The following ATRIP variants were observed in gnomAD, a reference collection of about 807,000 sequenced individuals.
ATRIP encodes the protein ATR-interacting protein.
A neutral mutation model predicts 78.1 loss-of-function variants in ATRIP; 44 were observed. The ratio of observed to expected loss-of-function variants is 0.56; its 90% CI spans 0.44 to 0.72. ATRIP has a LOEUF of 0.72. Among genes scored for constraint, ATRIP ranks in the 30% least tolerant of loss-of-function variants. ATRIP has a pLI of 0.00. For synonymous variants in ATRIP, 388 were observed against 408.9 expected (o/e 0.95, Z 0.62); for missense variants, 927 against 980.2 (o/e 0.95, Z 0.72).
At position 48,467,576 on chromosome 3, in the gene ATRIP, A is replaced by G. The variant is rs754933190; in HGVS notation, c.*2022A>G. The G allele has an allele frequency of 5.6e-6, 9 of 1,612,962 alleles. No homozygotes were observed. The highest frequency in any genetic ancestry group is 7.6e-6 in the Non-Finnish European group (9 of 1,179,346). On this transcript the variant is annotated 3_prime_UTR_variant, in exon 13 of 13. Transcript: ENST00000320211. ...TGGCAGTAGCCACACTGTATGGACT[A>G]TCCCTGGCCACACCTGGGGAGTAGG...
At chr3:48,453,736 G>A (rs1345036653) in intron 3 of ATRIP, among the ~76,000 whole-genome samples, 1 of 152,100 alleles carries the variant, frequency 6.6e-6, no homozygotes, top group African/African-American at 2.4e-5. Flanking sequence ...GCACCAGTGC[G>A]TTCGTTAATA....
Position 48,457,425 on chromosome 3 carries a change from A to G in ATRIP, c.829+9A>G, listed in dbSNP as rs770642762. 6.5e-7 allele frequency: 1 copy of G among 1,530,080 alleles called. No homozygotes were observed. Among genetic ancestry groups the G allele is most frequent in the Non-Finnish European group, 8.8e-7 (1 of 1,141,662 alleles). The allele number at this position is 1,530,080 out of a possible 1,614,324, so 94.8% of individuals were successfully genotyped here. Reference sequence around the variant, plus strand: ...TCTGGTGGGCAGAGAGGGTAAGTCCATTAGTCATCTATTGATGTATAACAA... The same window carrying G: ...TCTGGTGGGCAGAGAGGGTAAGTCCGTTAGTCATCTATTGATGTATAACAA... On this transcript the variant is annotated intron_variant, in intron 5 of 12. Coordinates refer to ENST00000320211, the MANE Select transcript of ATRIP (RefSeq NM_130384.3).
At position 48,466,597 on chromosome 3, in the gene ATRIP, G is replaced by C; in HGVS notation, c.*1043G>C. On this transcript the variant is annotated 3_prime_UTR_variant, in exon 13 of 13. Transcript: ENST00000320211. Reference sequence around the variant, plus strand: ...CCTCCCCTTCGGATCTTAACACTGGGCACTCACACACCCACCCCATGCTCC... The same window carrying C: ...CCTCCCCTTCGGATCTTAACACTGGCCACTCACACACCCACCCCATGCTCC... 6.2e-7 allele frequency: 1 copy of C among 1,613,946 alleles called. No individual in the cohort carries two copies. Among genetic ancestry groups the C allele is most frequent in the African/African-American group, 1.3e-5 (1 of 74,996 alleles).
At chr3:48,464,244 A>C in intron 10 of ATRIP, 112 bp downstream of exon 10, 1 of 1,002,822 alleles carries the variant, frequency 1.0e-6, no homozygotes, top group Non-Finnish European at 1.5e-6. Context: ...TTTTAGTAAC[A>C]AGAGTTGATA....
Position 48,460,269 on chromosome 3 carries a change from A to G in ATRIP, c.1215A>G (p.Arg405=), listed in dbSNP as rs189764290. Residue 405 remains arginine, a synonymous_variant, in exon 8 of 13, where the codon AGA becomes AGG. Transcript: ENST00000320211. ...ATGGAGACCCAGCAGAGGGAGGCAG[A>G]AGGGCCTTCCCACTCTGCCAGCTTC... ...SRDGDPAEGG[R]RAFPLCQLPG... The G allele has an allele frequency of 1.7e-5, 27 of 1,614,054 alleles. No individual in the cohort carries two copies. In the East Asian group the frequency reaches 5.6e-4, roughly 33 times the overall value.
In ATRIP at chr3:48,451,629, T is replaced by C. The variant is rs564526533; in HGVS notation, c.382-100T>C. 37 of 1,030,606 alleles carry C rather than the reference T, an allele frequency of 3.6e-5. No homozygotes were observed. The African/African-American group carries it at 6.0e-4, about 17-fold the overall frequency. The allele number at this position is 1,030,606 out of a possible 1,614,324, so 63.8% of individuals were successfully genotyped here. A position where few individuals can be genotyped will look rare whatever the true frequency, so the allele number is the denominator to read the frequency against. ...TATTTTGAGTACTCATTTGTCTGTT[T>C]TTCCTGTGCTTTCTCCATCTCCCCA... On this transcript the variant is annotated intron_variant, in intron 2 of 12. Coordinates refer to ENST00000320211, the MANE Select transcript of ATRIP (RefSeq NM_130384.3).
chr3:48,458,170 C>T (rs1378408692), intron 5 of ATRIP, among the ~76,000 whole-genome samples: 1 of 151,530 alleles, frequency 6.6e-6, no homozygotes, highest in South Asian at 2.1e-4. Context: ...TTCCGCCTCC[C>T]GGGTTCAAGT....
At position 48,465,558 on chromosome 3, in the gene ATRIP, CCT is replaced by C; in HGVS notation, c.*5_*6del. 1 of 1,611,564 alleles carries C rather than the reference CCT, an allele frequency of 6.2e-7. No homozygotes were observed. Among genetic ancestry groups the C allele is most frequent in the African/African-American group, 1.3e-5 (1 of 74,978 alleles). On this transcript the variant is annotated 3_prime_UTR_variant, in exon 13 of 13. Coordinates refer to ENST00000320211, the MANE Select transcript of ATRIP (RefSeq NM_130384.3). Reference sequence around the variant, plus strand: ...CCCCGAGGTGGAGTGTGGCTGAGGCCCTGAGTGTCCAGCCACATGGTGGCACC... The same window carrying C: ...CCCCGAGGTGGAGTGTGGCTGAGGCCGAGTGTCCAGCCACATGGTGGCACC...
In ATRIP at chr3:48,465,811, G is replaced by A. The variant is rs895122961; in HGVS notation, c.*257G>A. ...TGCCTTGAGGAAGGAGCCCTGCCCT[G>A]CCTGTGGAATTGTCCTGAGTCATTG... On this transcript the variant is annotated 3_prime_UTR_variant, in exon 13 of 13. Transcript: ENST00000320211. 4.5e-6 allele frequency: 2 copies of A among 449,086 alleles called. No homozygotes were observed. Among genetic ancestry groups the A allele is most frequent in the Non-Finnish European group, 8.3e-6 (2 of 241,786 alleles). 27.8% of individuals were successfully genotyped at this position (449,086 alleles called of 1,614,324 possible). A position where few individuals can be genotyped will look rare whatever the true frequency, so the allele number is the denominator to read the frequency against.
rs1231721614 is a variant in ATRIP, at chr3:48,460,594, G to T, written c.1540G>T (p.Val514Phe). ...SAAGEGNRSL[V>F]HRLSDGDMTS... is the part of the protein sequence containing the mutation. ...TGCTGGGGAAGGAAACAGGAGCCTG[G>T]TTCACAGGCTTAGTGATGGAGATAT... The change falls in exon 8 of 13, where the codon GTT (valine) becomes TTT (phenylalanine). Residue 514 changes from valine (V) to phenylalanine (F), a missense_variant. Transcript: ENST00000320211. The T allele has an allele frequency of 1.2e-6, 2 of 1,614,180 alleles. No homozygotes were observed. The highest frequency in any genetic ancestry group is 1.7e-6 in the Non-Finnish European group (2 of 1,180,022).
Position 48,464,022 on chromosome 3 carries a change from G to A in ATRIP, c.1883-19G>A. ...ATGAGAAAGGGCACCCTGAGTGAGAGGTGCGCTGTCCTTTTCAGAAGGCTG... is the reference window on the plus strand; with the variant it reads ...ATGAGAAAGGGCACCCTGAGTGAGAAGTGCGCTGTCCTTTTCAGAAGGCTG... On this transcript the variant is annotated intron_variant, in intron 9 of 12. Coordinates refer to ENST00000320211, the MANE Select transcript of ATRIP (RefSeq NM_130384.3). 1 of 1,611,466 alleles carries A rather than the reference G, an allele frequency of 6.2e-7. No homozygotes were observed. Among genetic ancestry groups the A allele is most frequent in the Non-Finnish European group, 8.5e-7 (1 of 1,178,516 alleles).
At position 48,465,849 on chromosome 3, in the gene ATRIP, G is replaced by A; in HGVS notation, c.*295G>A. The A allele has an allele frequency of 8.3e-6, 3 of 361,510 alleles. No individual in the cohort carries two copies. The highest frequency in any genetic ancestry group is 8.0e-5 in the South Asian group (3 of 37,524). The allele number at this position is 361,510 out of a possible 1,614,324, so 22.4% of individuals were successfully genotyped here. A position where few individuals can be genotyped will look rare whatever the true frequency, so the allele number is the denominator to read the frequency against. ...TCCTGAGTCATTGCTTTGGGCTGGG[G>A]CCATGGGAAGAAACCATTGTGTGGC... On this transcript the variant is annotated 3_prime_UTR_variant, in exon 13 of 13. Coordinates refer to ENST00000320211, the MANE Select transcript of ATRIP (RefSeq NM_130384.3).
chr3:48,467,253 G>GATGT lies in ATRIP; in HGVS notation c.*1700_*1703dup. 6.2e-7 allele frequency: 1 copy of GATGT among 1,614,150 alleles called. No homozygotes were observed. The highest frequency in any genetic ancestry group is 8.5e-7 in the Non-Finnish European group (1 of 1,180,024). ...TCCAGACTCGCACACGGCTGAGGGTGATGTCCTGGCCCTGCTCAGCATCTG... is the reference window on the plus strand; with the variant it reads ...TCCAGACTCGCACACGGCTGAGGGTGATGTATGTCCTGGCCCTGCTCAGCATCTG... On this transcript the variant is annotated 3_prime_UTR_variant, in exon 13 of 13. Transcript: ENST00000320211.
In ATRIP at chr3:48,467,520, GCC is replaced by G; in HGVS notation, c.*1969_*1970del. Reference sequence around the variant, plus strand: ...AGCCCTATCCAGGGAGGGGCTGCTGGCCCCACTGGGTCTGCTGGCCATCCTGA... The same window carrying G: ...AGCCCTATCCAGGGAGGGGCTGCTGGCCACTGGGTCTGCTGGCCATCCTGA... On this transcript the variant is annotated 3_prime_UTR_variant, in exon 13 of 13. Coordinates refer to ENST00000320211, the MANE Select transcript of ATRIP (RefSeq NM_130384.3). 1 of 1,613,682 alleles carries G rather than the reference GCC, an allele frequency of 6.2e-7. No individual in the cohort carries two copies.
At position 48,465,531 on chromosome 3, in the gene ATRIP, G is replaced by A; in HGVS notation, c.2353G>A (p.Asp785Asn). Residue 785 changes from aspartate to asparagine, a missense_variant, in exon 13 of 13, where the codon GAC becomes AAC. Coordinates refer to ENST00000320211, the MANE Select transcript of ATRIP (RefSeq NM_130384.3). ...CTGTGCCGCGGAAACCGATGTGGAA[G>A]ACCCCGAGGTGGAGTGTGGCTGAGG... is the stretch of plus-strand genomic sequence containing the variant. The part of the protein sequence containing the change: ...DLCAAETDVE[D>N]PEVECG 1.2e-6 allele frequency: 2 copies of A among 1,613,886 alleles called. No individual in the cohort carries two copies. The highest frequency in any genetic ancestry group is 1.7e-6 in the Non-Finnish European group (2 of 1,179,818).
chr3:48,465,524 T>C lies in ATRIP; in HGVS notation c.2346T>C (p.Asp782=), dbSNP rs773479091. The change falls in exon 13 of 13, where the codon GAT becomes GAC. Residue 782 remains aspartate, a synonymous_variant. Transcript: ENST00000320211. The part of the protein sequence containing the change: ...ALDDLCAAET[D]VEDPEVECG ...ATGACCTCTGTGCCGCGGAAACCGA[T>C]GTGGAAGACCCCGAGGTGGAGTGTG... 4 of 1,613,790 alleles carry C rather than the reference T, an allele frequency of 2.5e-6. No individual in the cohort carries two copies. Among genetic ancestry groups the C allele is most frequent in the African/African-American group, 1.3e-5 (1 of 74,918 alleles).
At chr3:48,448,967 C>T (rs1436129997) in intron 1 of ATRIP, among the ~76,000 whole-genome samples, 3 of 152,182 alleles carry the variant, frequency 2.0e-5, no homozygotes, top group African/African-American at 7.2e-5. Flanking sequence ...CCTAACATGC[C>T]TGGCATATTG....
chr3:48,464,868 G>A lies in ATRIP; in HGVS notation c.2093G>A (p.Trp698Ter). Residue 698 changes from tryptophan to a stop codon, truncating the protein, a stop_gained, in exon 12 of 13, where the codon TGG becomes TAG. Transcript: ENST00000320211. LOFTEE classifies it high-confidence loss of function. The part of the protein sequence containing the change: ...RALTVMLHRQ[W>*]LTVRRAGGPP... ...CTCACGGTGATGTTGCACAGACAGT[G>A]GCTGACAGTGCGGAGGGCAGGGGGA... 1 of 1,613,774 alleles carries A rather than the reference G, an allele frequency of 6.2e-7. No individual in the cohort carries two copies. Among genetic ancestry groups the A allele is most frequent in the Non-Finnish European group, 8.5e-7 (1 of 1,179,852 alleles).
chr3:48,450,464 T>C, intron 2 of ATRIP: 1 of 1,247,714 alleles, frequency 8.0e-7, no homozygotes, highest in Non-Finnish European at 1.1e-6. Context: ...ATAATACAAC[T>C]TCATAATGGT....
Sources: allele counts gnomAD v4.1 joint callset (sites outside exome capture counted in the v4.1 genomes callset), GRCh38; gene constraint gnomAD v4.1.1; transcripts MANE v1.5; gene names NCBI Gene and HGNC (gene_info 2026-07-23, HGNC 2026-07-21).